Variants in PTPRN observed in about 807,000 individuals in gnomAD.
PTPRN encodes receptor-type tyrosine-protein phosphatase-like N.
In PTPRN, 70 loss-of-function variants were observed where a neutral mutation model predicts 108.5. That is an observed-to-expected ratio of 0.65 (90% CI 0.53 to 0.79). PTPRN has a LOEUF of 0.79. Among genes scored for constraint, PTPRN ranks in the 30% least tolerant of loss-of-function variants. The pLI, the probability that PTPRN is intolerant of heterozygous loss-of-function variation, is 0.00. For synonymous variants in PTPRN, 496 were observed against 524.6 expected, an observed-to-expected ratio of 0.95 and a Z score of 0.75; for missense variants, 1,136 against 1,295.5, an observed-to-expected ratio of 0.88 and a Z score of 1.89.
intron 19 of PTPRN, 43 bp downstream of exon 19, chr2:219,294,932 C>G: frequency 1.4e-6 from 2 of 1,442,292 alleles, no homozygotes; most frequent in Non-Finnish European, 9.1e-7. Flanking sequence ...CCGGCTCCGC[C>G]CCCGCCCATG....
Position 219,296,561 on chromosome 2 carries a change from A to T in PTPRN, c.2311-45T>A. On this transcript the variant is annotated intron_variant, in intron 16 of 22. Coordinates refer to ENST00000295718, the MANE Select transcript of PTPRN (RefSeq NM_002846.4). The surrounding 1 kb of genome is among the most constrained non-coding windows in gnomAD (Gnocchi z 6.0). ...ACCATGAGCCAGTGTGGGAAATGCC[A>T]CTATGGACAGGCGTGGTCAGAGCAA... is the stretch of plus-strand genomic sequence containing the variant. The T allele has an allele frequency of 6.8e-6, 11 of 1,609,620 alleles. No homozygotes were observed. The highest frequency in any genetic ancestry group is 9.3e-6 in the Non-Finnish European group (11 of 1,176,534).
rs1485176905 is a variant in PTPRN, at chr2:219,298,970, C to T, written c.1668+77G>A. 17 of 1,555,840 alleles carry T rather than the reference C, an allele frequency of 1.1e-5. No homozygotes were observed. The East Asian group carries it at 3.6e-4, about 33-fold the overall frequency. On this transcript the variant is annotated intron_variant, in intron 12 of 22. Coordinates refer to ENST00000295718, the MANE Select transcript of PTPRN (RefSeq NM_002846.4). ...GGACACGTTTCGGCTCCAGTTCTCC[C>T]CTCTGGTTTGCCTCCAGCTCTTGCG...
At chr2:219,294,785 G>C (rs1432693512) in intron 19 of PTPRN, among the ~76,000 whole-genome samples, 190 bp downstream of exon 19, 1 of 152,052 alleles carries the variant, frequency 6.6e-6, no homozygotes, top group Admixed American at 6.5e-5. Flanking sequence ...GGGTGGTGGA[G>C]GCTCGGGGAA....
chr2:219,291,752 C>G (rs4674373), intron 19 of PTPRN: 128,741 of 585,646 alleles, frequency 0.22, 18,401 homozygotes, highest in East Asian at 0.58. Context: ...AGCTATGCAC[C>G]TGGAACAACT....
rs201893743 is a variant in PTPRN at position 219,302,865 on chromosome 2, T to C, written c.378-28A>G. The C allele has an allele frequency of 1.5e-4, 240 of 1,599,588 alleles. 1 individual carries two copies. The African/African-American group carries it at 2.8e-3, about 19-fold the overall frequency. Reference sequence around the variant, plus strand: ...GTAGAGGAAAGCAAAGTGTGTGTGTTGGAGCGGGGGAAAGGGCATAGAGAG... The same window carrying C: ...GTAGAGGAAAGCAAAGTGTGTGTGTCGGAGCGGGGGAAAGGGCATAGAGAG... On this transcript the variant is annotated intron_variant, in intron 4 of 22. Transcript: ENST00000295718.
rs1056624994 is a variant in PTPRN, at chr2:219,290,119, C to T, written c.*107G>A. 1.0e-5 allele frequency: 11 copies of T among 1,067,920 alleles called. No homozygotes were observed. Among genetic ancestry groups the T allele is most frequent in the Non-Finnish European group, 1.4e-5 (10 of 701,346 alleles). 66.2% of individuals were successfully genotyped at this position (1,067,920 alleles called of 1,614,324 possible). Reference sequence around the variant, plus strand: ...CCTGACTCTTCTAGGAAGGGCTGAGCATGCCCAAGAGGTGGCTGGTGGGGC... The same window carrying T: ...CCTGACTCTTCTAGGAAGGGCTGAGTATGCCCAAGAGGTGGCTGGTGGGGC... On this transcript the variant is annotated 3_prime_UTR_variant, in exon 23 of 23. Transcript: ENST00000295718. The surrounding 1 kb of genome is among the most constrained non-coding windows in gnomAD (Gnocchi z 4.2).
At chr2:219,301,512 A>C in intron 7 of PTPRN, 76 bp downstream of exon 7, 2 of 1,527,468 alleles carry the variant, frequency 1.3e-6, no homozygotes, top group Non-Finnish European at 1.8e-6. Context: ...AGGCTACTCC[A>C]AGTGGTCTCG....
chr2:219,304,031 A>C, intron 3 of PTPRN, 200 bp from the exon 4 acceptor site: 1 of 439,764 alleles, frequency 2.3e-6, no homozygotes. Context: ...CTGGGTTTGA[A>C]TCCTGCCTTT....
intron 1 of PTPRN, chr2:219,308,782 G>A: frequency 8.1e-7 from 1 of 1,229,746 alleles, no homozygotes; most frequent in Non-Finnish European, 1.1e-6. Flanking sequence ...TGCCCAGCTG[G>A]GACTCTATGT....
chr2:219,308,872 CT>C (rs1952551863), intron 1 of PTPRN: 1 of 1,340,196 alleles, frequency 7.5e-7, no homozygotes, highest in South Asian at 1.2e-5. Flanking sequence ...TCCTCAGCGC[CT>C]GTCACCACCT....
chr2:219,308,986 T>A, intron 1 of PTPRN: 1 of 1,515,630 alleles, frequency 6.6e-7, no homozygotes. Flanking sequence ...ACCTGCAATT[T>A]TCCCCAGAGC....
chr2:219,299,676 G>T (rs773415812), intron 10 of PTPRN, 24 bp downstream of exon 10: 22 of 1,572,616 alleles, frequency 1.4e-5, no homozygotes, highest in Non-Finnish European at 1.7e-5. Context: ...CTCGGCCACT[G>T]CCCTAGCAAG....
chr2:219,299,259 G>T, intron 11 of PTPRN, 46 bp downstream of exon 11: 1 of 1,605,864 alleles, frequency 6.2e-7, no homozygotes, highest in Non-Finnish European at 8.5e-7. Flanking sequence ...CCTCTTAGGA[G>T]TGGGGCTGGG....
Position 219,296,465 on chromosome 2 carries a change from A to G in PTPRN, c.2362T>C (p.Ser788Pro). 6.2e-7 allele frequency: 1 copy of G among 1,614,186 alleles called. No individual in the cohort carries two copies. Among genetic ancestry groups the G allele is most frequent in the Non-Finnish European group, 8.5e-7 (1 of 1,180,024 alleles). Residue 788 changes from serine to proline, a missense_variant, in exon 17 of 23, where the codon TCC (serine) becomes CCC (proline). Coordinates refer to ENST00000295718, the MANE Select transcript of PTPRN (RefSeq NM_002846.4). This position sits in a 1 kb window ranked among gnomAD's most constrained non-coding sequence, Gnocchi z 6.0. ...TGCCAGAAGTCTGCGATGGTATGGG[A>G]CAGCGGGCCCTGCGTGGCTATGTAG... ...PAYIATQGPL[S>P]HTIADFWQMV...
At position 219,290,463 on chromosome 2, in the gene PTPRN, C is replaced by T; in HGVS notation, c.2868+75G>A. 1.4e-6 allele frequency: 2 copies of T among 1,467,102 alleles called. No individual in the cohort carries two copies. The highest frequency in any genetic ancestry group is 1.9e-6 in the Non-Finnish European group (2 of 1,072,738). The allele number at this position is 1,467,102 out of a possible 1,614,324, so 90.9% of individuals were successfully genotyped here. On this transcript the variant is annotated intron_variant, in intron 22 of 22. Coordinates refer to ENST00000295718, the MANE Select transcript of PTPRN (RefSeq NM_002846.4). The surrounding 1 kb of genome is among the most constrained non-coding windows in gnomAD (Gnocchi z 4.2). Reference sequence around the variant, plus strand: ...AGGTGGGAAAGGTTGGCAGCTGCTGCTTTCCCTGGGGTGGCCAAGAAGTGG... The same window carrying T: ...AGGTGGGAAAGGTTGGCAGCTGCTGTTTTCCCTGGGGTGGCCAAGAAGTGG...
chr2:219,294,906 G>C (rs1952145539), intron 19 of PTPRN, 69 bp downstream of exon 19: 3 of 1,358,764 alleles, frequency 2.2e-6, no homozygotes, highest in Non-Finnish European at 2.8e-6. Context: ...GCTCCAGGCC[G>C]AGCGGCGGGC....
At position 219,291,621 on chromosome 2, in the gene PTPRN, C is replaced by T. The variant is rs1952057299; in HGVS notation, c.2676-98G>A. 4.9e-6 allele frequency: 6 copies of T among 1,231,064 alleles called. No homozygotes were observed. The Admixed American group carries it at 7.4e-5, about 15-fold the overall frequency. 76.3% of individuals were successfully genotyped at this position (1,231,064 alleles called of 1,614,324 possible). ...TGGGCCTCTCTTTCTTCCTTTTCTC[C>T]CCACCTGCCCGGGGCAGAGAGGGAA... is the stretch of plus-strand genomic sequence containing the variant. On this transcript the variant is annotated intron_variant, in intron 19 of 22. Transcript: ENST00000295718.
At chr2:219,298,667 G>A (rs1952263858) in intron 12 of PTPRN, among the ~76,000 whole-genome samples, 1 of 152,218 alleles carries the variant, frequency 6.6e-6, no homozygotes, top group Non-Finnish European at 1.5e-5. Context: ...CCGAGATCGA[G>A]CCACTGCACT....
chr2:219,291,544 G>T, intron 19 of PTPRN, 21 bp from the exon 20 acceptor site: 1 of 1,612,550 alleles, frequency 6.2e-7, no homozygotes, highest in Non-Finnish European at 8.5e-7. Flanking sequence ...AAATGGGTGT[G>T]AGGGCCAGTG....
Sources: gnomAD v4.1 joint callset for allele counts (sites outside exome capture counted in the v4.1 genomes callset) on GRCh38, gnomAD v4.1.1 for gene constraint, Gnocchi (gnomAD v3.1) non-coding constraint, MANE v1.5 for transcripts, NCBI Gene and HGNC (gene_info 2026-07-23, HGNC 2026-07-21) for gene names.